Variants in THAP4 observed in about 807,000 individuals in gnomAD.
THAP4 encodes the protein peroxynitrite isomerase THAP4.
Under a neutral mutation model 48.1 loss-of-function variants are expected in THAP4, and 18 were observed. The ratio of observed to expected loss-of-function variants is 0.37; its 90% CI spans 0.26 to 0.56. THAP4 has a LOEUF of 0.56. THAP4 is among the 20% of genes least tolerant of loss of function. THAP4 has a pLI of 0.78. For synonymous variants in THAP4, 345 were observed against 324.9 expected (o/e 1.06, Z -0.66); for missense variants, 656 against 774.9 (o/e 0.85, Z 1.82).
intron 5 of THAP4, among the ~76,000 whole-genome samples, chr2:241,586,815 T>C (rs957584835): frequency 7.2e-5 from 11 of 152,114 alleles, no homozygotes; most frequent in Non-Finnish European, 1.6e-4. Flanking sequence ...GCTTAGAGAA[T>C]AATGGAAAAT....
chr2:241,602,015 A>G lies in THAP4; in HGVS notation c.1511-16T>C. The G allele has an allele frequency of 6.2e-7, 1 of 1,608,448 alleles. No individual in the cohort carries two copies. Among genetic ancestry groups the G allele is most frequent in the Admixed American group, 1.7e-5 (1 of 59,952 alleles). ...TCCACCACGCCTGCAAGGGAAGGGC[A>G]GTCAGCTCACCCAGCAGCTGCTCGG... On this transcript the variant is annotated splice_polypyrimidine_tract_variant and intron_variant, in intron 4 of 5. Coordinates refer to ENST00000407315, the MANE Select transcript of THAP4 (RefSeq NM_015963.6).
chr2:241,619,888 G>T (rs1422816759), intron 2 of THAP4, among the ~76,000 whole-genome samples: 1 of 92,098 alleles, frequency 1.1e-5, no homozygotes, highest in African/African-American at 4.5e-5. Context: ...GGGTGAGTGA[G>T]GGGTGAGTCG....
At chr2:241,603,785 TTCA>T (rs1271913922) in intron 3 of THAP4, among the ~76,000 whole-genome samples, 1 of 152,194 alleles carries the variant, frequency 6.6e-6, no homozygotes, top group Non-Finnish European at 1.5e-5. Context: ...CTTATCACCC[TTCA>T]TCATTAGTGC....
chr2:241,584,786 C>T, intron 5 of THAP4, 61 bp from the exon 6 acceptor site: 2 of 1,601,840 alleles, frequency 1.2e-6, no homozygotes, highest in South Asian at 1.1e-5. Flanking sequence ...CAATCAATGC[C>T]TGTGCGCCCA....
chr2:241,593,529 G>A (rs1008712353), intron 5 of THAP4, among the ~76,000 whole-genome samples: 23 of 152,134 alleles, frequency 1.5e-4, no homozygotes, highest in African/African-American at 5.3e-4. Flanking sequence ...ACCCAGGAAG[G>A]CCGAGGCTGA....
At chr2:241,628,100 C>T (rs1172503146) in intron 2 of THAP4, among the ~76,000 whole-genome samples, 1 of 152,036 alleles carries the variant, frequency 6.6e-6, no homozygotes, top group Non-Finnish European at 1.5e-5. Flanking sequence ...CACATCCAAC[C>T]CCCTTCTCTC....
intron 5 of THAP4, among the ~76,000 whole-genome samples, chr2:241,587,542 G>A (rs1199677634): frequency 1.3e-5 from 2 of 152,188 alleles, no homozygotes; most frequent in Non-Finnish European, 2.9e-5. Flanking sequence ...TTCGTTAAGT[G>A]TACATGAAAT....
upstream of THAP4, chr2:241,637,477 C>T: frequency 6.9e-7 from 1 of 1,452,304 alleles, no homozygotes; most frequent in Non-Finnish European, 9.0e-7. Flanking sequence ...CGTCGGACAG[C>T]AGAACCAGCC....
In THAP4 at chr2:241,606,393, T is replaced by A; in HGVS notation, c.1321A>T (p.Thr441Ser). 1.3e-6 allele frequency: 2 copies of A among 1,599,818 alleles called. No homozygotes were observed. Among genetic ancestry groups the A allele is most frequent in the Non-Finnish European group, 1.7e-6 (2 of 1,173,320 alleles). Residue 441 changes from threonine (T) to serine (S), a missense_variant, in exon 3 of 6, where the codon ACC becomes TCC. Physicochemically the swap from Thr to Ser is moderately conservative, Grantham distance 58 (BLOSUM62 1). Coordinates refer to ENST00000407315, the MANE Select transcript of THAP4 (RefSeq NM_015963.6). The stretch of plus-strand genomic sequence containing the variant: ...TGGAAGGGCTGCAGTGTGGGGTAGG[T>A]CCCGGCTCCAGGTGGGTCCGACAGC... ...TWLSDPPGAG[T>S]YPTLQPFQYL... is the part of the protein sequence containing the mutation.
At chr2:241,637,494 C>G (rs1034020358), upstream of THAP4, 48 of 1,447,768 alleles carry the variant, frequency 3.3e-5, no homozygotes, top group South Asian at 1.1e-4. Flanking sequence ...AGCCGTCGTC[C>G]CACGACACGA....
At chr2:241,584,882 C>CTGT in intron 5 of THAP4, 157 bp from the exon 6 acceptor site, 1 of 860,972 alleles carries the variant, frequency 1.2e-6, no homozygotes, top group Non-Finnish European at 1.8e-6. Flanking sequence ...GGCCCCTGGG[C>CTGT]ATGTCACAAT....
intron 5 of THAP4, among the ~76,000 whole-genome samples, chr2:241,599,984 G>A (rs1170182277): frequency 1.3e-5 from 2 of 152,116 alleles, no homozygotes; most frequent in African/African-American, 2.4e-5. Flanking sequence ...TGAGGCAGGC[G>A]GATCACTTGA....
Position 241,602,067 on chromosome 2 carries a change from C to T in THAP4, c.1511-68G>A, listed in dbSNP as rs962607938. 3.0e-5 allele frequency: 46 copies of T among 1,508,288 alleles called. No individual in the cohort carries two copies. The Admixed American group carries it at 7.9e-4, about 26-fold the overall frequency. 93.4% of individuals were successfully genotyped at this position (1,508,288 alleles called of 1,614,324 possible). A position where few individuals can be genotyped will look rare whatever the true frequency, so the allele number is the denominator to read the frequency against. On this transcript the variant is annotated intron_variant, in intron 4 of 5. Transcript: ENST00000407315. The stretch of plus-strand genomic sequence containing the variant: ...TTGCAGAGAGGCAGCCTTGACTCTC[C>T]TTGCCTGCAAGCCGGGACTCCACAG...
chr2:241,632,533 T>C (rs1461977541), intron 2 of THAP4, among the ~76,000 whole-genome samples: 1 of 152,286 alleles, frequency 6.6e-6, no homozygotes, highest in Non-Finnish European at 1.5e-5. Flanking sequence ...TATTTGCTTT[T>C]TCTGAGAGTT....
chr2:241,623,882 C>T (rs2125093571), intron 2 of THAP4, among the ~76,000 whole-genome samples: 1 of 152,306 alleles, frequency 6.6e-6, no homozygotes, highest in Non-Finnish European at 1.5e-5. Flanking sequence ...CTTCTGTGGC[C>T]ACATGCAGGT....
rs1419339206 is a variant in THAP4 at position 241,633,708 on chromosome 2, T to A, written c.449A>T (p.Gln150Leu). 2 of 1,611,922 alleles carry A rather than the reference T, an allele frequency of 1.2e-6. No homozygotes were observed. Among genetic ancestry groups the A allele is most frequent in the South Asian group, 2.2e-5 (2 of 91,026 alleles). ...GGCCGCCCTGGGTGTGGCTTCACCT[T>A]GCAGAGCAGCTTGCTTCAACCTGCG... ...ESRRLKQAAL[Q>L]GEATPRAAQE... is the part of the protein sequence containing the mutation. Residue 150 changes from glutamine (Q) to leucine (L), a missense_variant, in exon 2 of 6, where the codon CAA (glutamine) becomes CTA (leucine). Transcript: ENST00000407315. This position sits in a 1 kb window ranked among gnomAD's most constrained non-coding sequence, Gnocchi z 7.5.
Position 241,610,740 on chromosome 2 carries a change from C to T in THAP4, c.1241-4267G>A, listed in dbSNP as rs1389186169. ...GAGGCCCTGTCCTCCATCCAGCGCT[C>T]CTCAGAGGGGACCGGAGAGGAGGCG... On this transcript the variant is annotated intron_variant, in intron 2 of 5. Transcript: ENST00000407315. This position sits in a 1 kb window ranked among gnomAD's most constrained non-coding sequence, Gnocchi z 4.2. Among the ~76,000 whole-genome samples, 2 of 152,060 alleles carry T rather than the reference C, an allele frequency of 1.3e-5. No homozygotes were observed. The highest frequency in any genetic ancestry group is 2.9e-5 in the Non-Finnish European group (2 of 68,006).
intron 2 of THAP4, among the ~76,000 whole-genome samples, chr2:241,630,226 T>C (rs1415367820): frequency 6.6e-6 from 1 of 151,896 alleles, no homozygotes; most frequent in East Asian, 1.9e-4. Flanking sequence ...GACTCAGAAA[T>C]GAACAGCAAC....
At chr2:241,604,929 C>T (rs1027817635) in intron 3 of THAP4, among the ~76,000 whole-genome samples, 12 of 152,086 alleles carry the variant, frequency 7.9e-5, no homozygotes, top group African/African-American at 2.4e-4. Flanking sequence ...AACATAACCC[C>T]GACAAAGAAA....
Sources: gnomAD v4.1 joint callset for allele counts (sites outside exome capture counted in the v4.1 genomes callset) on GRCh38, gnomAD v4.1.1 for gene constraint, Gnocchi (gnomAD v3.1) non-coding constraint, MANE v1.5 for transcripts, NCBI Gene and HGNC (gene_info 2026-07-23, HGNC 2026-07-21) for gene names.